Variants in RNF115 observed in about 807,000 individuals in gnomAD.
RNF115 encodes E3 ubiquitin-protein ligase RNF115.
In RNF115, 31 loss-of-function variants were observed where a neutral mutation model predicts 39.2. The observed-to-expected ratio is 0.79, with a 90% CI of 0.59 to 1.07. RNF115 has a LOEUF of 1.07. RNF115 is among the 50% of genes least tolerant of loss of function. The pLI is 0.00. For missense variants in RNF115, 384 were observed against 381.7 expected (o/e 1.01, Z -0.05); for synonymous variants, 124 against 131.0 (o/e 0.95, Z 0.37).
chr1:145,784,555 G>A lies in RNF115; in HGVS notation c.203C>T (p.Thr68Ile), dbSNP rs1553717880. The A allele has an allele frequency of 1.2e-6, 2 of 1,613,786 alleles. No homozygotes were observed. The highest frequency in any genetic ancestry group is 1.7e-6 in the Non-Finnish European group (2 of 1,179,852). Residue 68 changes from threonine (T) to isoleucine (I), a missense_variant, in exon 3 of 9, where the codon ACA (threonine) becomes ATA (isoleucine). By Grantham distance (89) the Thr-to-Ile change is moderately conservative. Coordinates refer to ENST00000582693, the MANE Select transcript of RNF115 (RefSeq NM_014455.4). ...GGGSRIDNTTTTHFAELWGHL... is the reference protein window; with the variant it reads ...GGGSRIDNTTITHFAELWGHL... Reference sequence around the variant, plus strand: ...AAAACTTACCTCTGCAAAATGTGTTGTTGTGGTATTGTCTATCCGACTGCC... The same window carrying A: ...AAAACTTACCTCTGCAAAATGTGTTATTGTGGTATTGTCTATCCGACTGCC...
At chr1:145,803,637 C>T (rs1004871002) in intron 1 of RNF115, among the ~76,000 whole-genome samples, 4 of 152,212 alleles carry the variant, frequency 2.6e-5, no homozygotes, top group Non-Finnish European at 4.4e-5. Context: ...ATCCACCTGC[C>T]TCAGCCTCCC....
At chr1:145,762,765 G>A (rs1658583951) in intron 4 of RNF115, among the ~76,000 whole-genome samples, 1 of 151,954 alleles carries the variant, frequency 6.6e-6, no homozygotes, top group Non-Finnish European at 1.5e-5. Context: ...CAAGAACCTA[G>A]GGTTAATTTC....
chr1:145,786,115 G>T (rs1251012184), intron 2 of RNF115, among the ~76,000 whole-genome samples: 1 of 152,048 alleles, frequency 6.6e-6, no homozygotes, highest in African/African-American at 2.4e-5. Context: ...CTACCTCACC[G>T]TTCCCTTTCC....
At chr1:145,797,617 A>C (rs781813254) in intron 1 of RNF115, among the ~76,000 whole-genome samples, 8 of 152,154 alleles carry the variant, frequency 5.3e-5, no homozygotes, top group East Asian at 1.9e-4. Context: ...GTGTGCAAAT[A>C]TCTCTCTGAG....
At chr1:145,822,190 C>T (rs202179657) in intron 1 of RNF115, among the ~76,000 whole-genome samples, 1,339 of 150,482 alleles carry the variant, frequency 8.9e-3, no homozygotes, top group East Asian at 0.03. Flanking sequence ...AGCCAGGGTG[C>T]GGTGGTCGTG....
intron 1 of RNF115, among the ~76,000 whole-genome samples, chr1:145,806,553 T>C (rs1468790652): frequency 6.6e-6 from 1 of 152,100 alleles, no homozygotes; most frequent in Non-Finnish European, 1.5e-5. Context: ...ATGTTGGAGG[T>C]AGGGCCTAGT....
At chr1:145,793,644 C>CA (rs1648787882) in intron 1 of RNF115, among the ~76,000 whole-genome samples, 2 of 138,906 alleles carry the variant, frequency 1.4e-5, no homozygotes, top group Non-Finnish European at 3.1e-5. Context: ...ACACACACAC[C>CA]CTCGAGAGGT....
chr1:145,793,672 A>G, intron 1 of RNF115, among the ~76,000 whole-genome samples: 1 of 151,948 alleles, frequency 6.6e-6, no homozygotes, highest in Middle Eastern at 3.4e-3. Flanking sequence ...CAGTTTGCTC[A>G]TACTAGAAAC....
intron 3 of RNF115, among the ~76,000 whole-genome samples, chr1:145,779,336 G>A (rs1279186700): frequency 6.6e-6 from 1 of 151,856 alleles, no homozygotes; most frequent in African/African-American, 2.4e-5. Context: ...CACTACACCT[G>A]GCTTTTTATT....
intron 1 of RNF115, among the ~76,000 whole-genome samples, chr1:145,789,412 CTTTT>C (rs199800964): frequency 7.1e-6 from 1 of 140,366 alleles, no homozygotes; most frequent in Non-Finnish European, 1.6e-5. Flanking sequence ...AGTTTTTTTT[CTTTT>C]TTTTTTGTTT....
At chr1:145,803,358 CT>C (rs1649331706) in intron 1 of RNF115, among the ~76,000 whole-genome samples, 2 of 152,228 alleles carry the variant, frequency 1.3e-5, no homozygotes, top group South Asian at 4.2e-4. Flanking sequence ...TTTCATCCCC[CT>C]AAGAATAGTA....
intron 6 of RNF115, 27 bp from the exon 7 acceptor site, chr1:145,750,527 G>C (rs782184499): frequency 6.4e-7 from 1 of 1,567,986 alleles, no homozygotes; most frequent in Admixed American, 1.7e-5. Context: ...AGAAAAAGAC[G>C]AAGTGGCAGA....
intron 1 of RNF115, among the ~76,000 whole-genome samples, chr1:145,812,188 T>C (rs1352690352): frequency 2.0e-5 from 3 of 149,022 alleles, no homozygotes; most frequent in Non-Finnish European, 4.5e-5. Flanking sequence ...GTAAGCAAAA[T>C]GAAACTTCTG....
intron 7 of RNF115, 28 bp from the exon 8 acceptor site, chr1:145,748,138 G>T: frequency 6.7e-7 from 1 of 1,499,412 alleles, no homozygotes; most frequent in Non-Finnish European, 9.3e-7. Context: ...GCCTTTTAAA[G>T]TAAACAGGCA....
At chr1:145,801,668 A>C (rs1649249046) in intron 1 of RNF115, among the ~76,000 whole-genome samples, 1 of 152,242 alleles carries the variant, frequency 6.6e-6, no homozygotes, top group Non-Finnish European at 1.5e-5. Flanking sequence ...TAATACGTCA[A>C]GTCTTCACAA....
intron 3 of RNF115, 33 bp downstream of exon 3, chr1:145,784,506 T>C: frequency 1.3e-6 from 2 of 1,597,104 alleles, no homozygotes; most frequent in Non-Finnish European, 1.7e-6. Context: ...TAACCACTTC[T>C]TAAAGAATTC....
rs587620896 is a variant in RNF115 at position 145,808,014 on chromosome 1, G to A, written c.102+15758C>T. Among the ~76,000 whole-genome samples the A allele has an allele frequency of 5.3e-5, 8 of 151,874 alleles. No individual in the cohort carries two copies. The East Asian group carries it at 9.7e-4, about 18-fold the overall frequency. On this transcript the variant is annotated intron_variant, in intron 1 of 8. Coordinates refer to ENST00000582693, the MANE Select transcript of RNF115 (RefSeq NM_014455.4). ...AGTTCCATCCATGTTGCTACAAATG[G>A]CACGACTTGATTCTTTCTTATGGCC...
chr1:145,797,280 C>T (rs1649028680), intron 1 of RNF115, among the ~76,000 whole-genome samples: 1 of 152,134 alleles, frequency 6.6e-6, no homozygotes, highest in Admixed American at 6.5e-5. Flanking sequence ...GCTACAGCAC[C>T]CAATTAAAAC....
chr1:145,798,890 G>C (rs1436908270), intron 1 of RNF115, among the ~76,000 whole-genome samples: 3 of 151,858 alleles, frequency 2.0e-5, no homozygotes, highest in Non-Finnish European at 2.9e-5. Flanking sequence ...CTTTGGTTAG[G>C]GTCATTCCTA....
Sources: allele counts gnomAD v4.1 joint callset (sites outside exome capture counted in the v4.1 genomes callset), GRCh38; gene constraint gnomAD v4.1.1; transcripts MANE v1.5; gene names NCBI Gene and HGNC (gene_info 2026-07-23, HGNC 2026-07-21).